ZBTB24: variants seen among roughly 807,000 people sequenced by gnomAD.
ZBTB24 encodes zinc finger and BTB domain containing 24.
In ZBTB24, 32 loss-of-function variants were observed where a neutral mutation model predicts 53.8. The ratio of observed to expected loss-of-function variants is 0.60; its 90% CI spans 0.45 to 0.80. The LOEUF (loss-of-function observed/expected upper bound fraction) is 0.80, where lower values mean the gene tolerates loss of function less well. ZBTB24 is among the 30% of genes least tolerant of loss of function. The probability of loss-of-function intolerance (pLI) is 0.00; values close to 1 mark genes in which losing one functional copy is unlikely to be tolerated. For missense variants in ZBTB24, 722 were observed against 837.1 expected, an observed-to-expected ratio of 0.86 and a Z score of 1.70; for synonymous variants, 297 against 306.7, an observed-to-expected ratio of 0.97 and a Z score of 0.33.
At chr6:109,468,932 G>GAAAAAAAAAA (rs61250996) in intron 5 of ZBTB24, among the ~76,000 whole-genome samples, 2 of 120,018 alleles carry the variant, frequency 1.7e-5, no homozygotes, top group Non-Finnish European at 1.8e-5. Flanking sequence ...TGGAAAAAAA[G>GAAAAAAAAAA]AAAAAAAAAA....
Position 109,483,151 on chromosome 6 carries a change from C to G in ZBTB24, c.-82G>C, listed in dbSNP as rs1776474589. 6.6e-6 allele frequency: 1 copy of G among 152,252 alleles called. No individual in the cohort carries two copies. The highest frequency in any genetic ancestry group is 1.5e-5 in the Non-Finnish European group (1 of 68,114). The allele number at this position is 152,252 out of a possible 1,614,324, so 9.4% of individuals were successfully genotyped here. On this transcript the variant is annotated 5_prime_UTR_variant, in exon 1 of 7. Transcript: ENST00000230122. ...GGGCCCGCTGGCCCTCCGCTCCGCC[C>G]CGCCCGCCTCTGGGGCTTCTGCGCC...
intron 2 of ZBTB24, 90 bp downstream of exon 2, chr6:109,480,985 A>G: frequency 6.4e-7 from 1 of 1,564,644 alleles, no homozygotes; most frequent in Non-Finnish European, 8.6e-7. Flanking sequence ...TGCCCATCAC[A>G]CAGAAGTTGC....
intron 2 of ZBTB24, among the ~76,000 whole-genome samples, chr6:109,479,777 G>T (rs541238574): frequency 6.6e-6 from 1 of 152,010 alleles, no homozygotes; most frequent in African/African-American, 2.4e-5. Flanking sequence ...TTAGCTGGGC[G>T]TGGTGGCGTG....
chr6:109,482,121 G>T, intron 1 of ZBTB24, 67 bp from the exon 2 acceptor site: 1 of 1,083,972 alleles, frequency 9.2e-7, no homozygotes, highest in Non-Finnish European at 1.4e-6. Context: ...CAGCCCACAT[G>T]AACTTCCTAT....
chr6:109,471,209 C>T (rs1055729114), intron 5 of ZBTB24, among the ~76,000 whole-genome samples: 1 of 152,222 alleles, frequency 6.6e-6, no homozygotes, highest in Non-Finnish European at 1.5e-5. Context: ...CTGTGGATAG[C>T]ATGGTTTGAC....
chr6:109,481,242 A>G lies in ZBTB24; in HGVS notation c.785T>C (p.Val262Ala), dbSNP rs771020976. The G allele has an allele frequency of 1.2e-6, 2 of 1,614,164 alleles. No homozygotes were observed. The highest frequency in any genetic ancestry group is 2.2e-5 in the South Asian group (2 of 91,078). Residue 262 changes from valine to alanine, a missense_variant, in exon 2 of 7, where the codon GTC becomes GCC. Val to Ala is a moderately conservative substitution (Grantham distance 64). Coordinates refer to ENST00000230122, the MANE Select transcript of ZBTB24 (RefSeq NM_014797.3). ...AACAAGTTTGTAATCTTTAAGTTTG[A>G]CGGATCTCCAAATCCTCCGCTTGCT... is the stretch of plus-strand genomic sequence containing the variant. ...RYSKRRIWRS[V>A]KLKDYKLVGD... is the part of the protein sequence containing the mutation.
At position 109,481,296 on chromosome 6, in the gene ZBTB24, T is replaced by C. The variant is rs1482359192; in HGVS notation, c.731A>G (p.Glu244Gly). The C allele has an allele frequency of 1.9e-6, 3 of 1,614,210 alleles. No homozygotes were observed. In the East Asian group the frequency reaches 6.7e-5, roughly 36 times the overall value. The change falls in exon 2 of 7, where the codon GAG becomes GGG. Residue 244 changes from glutamate to glycine, a missense_variant. Glu to Gly is a moderately conservative substitution (Grantham distance 98, BLOSUM62 -2). Transcript: ENST00000230122. Reference sequence around the variant, plus strand: ...TCGACTCTGGCTTGCCTGGCCATCCTCGGTCTTGGGATCATAGTTCTCATC... The same window carrying C: ...TCGACTCTGGCTTGCCTGGCCATCCCCGGTCTTGGGATCATAGTTCTCATC... ...EKDENYDPKTEDGQASQSRYS... is the reference protein window; with the variant it reads ...EKDENYDPKTGDGQASQSRYS...
In ZBTB24 at chr6:109,463,503, T is replaced by C. The variant is rs1775955284; in HGVS notation, c.*2348A>G. 6.6e-6 allele frequency: 1 copy of C among 152,216 alleles called. No individual in the cohort carries two copies. The highest frequency in any genetic ancestry group is 1.5e-5 in the Non-Finnish European group (1 of 68,038). 9.4% of individuals were successfully genotyped at this position (152,216 alleles called of 1,614,324 possible). A position where few individuals can be genotyped will look rare whatever the true frequency, so the allele number is the denominator to read the frequency against. On this transcript the variant is annotated 3_prime_UTR_variant, in exon 7 of 7. Transcript: ENST00000230122. ...TATCAAGCATTTGCACTGTGTCCCA[T>C]GCAACAAGGAACTGGATTTTAATTT...
At chr6:109,476,654 C>T in intron 3 of ZBTB24, 109 bp downstream of exon 3, 1 of 1,437,070 alleles carries the variant, frequency 7.0e-7, no homozygotes, top group Non-Finnish European at 9.5e-7. Context: ...TTCAATGACA[C>T]CACGTTGGAA....
At chr6:109,476,081 T>C (rs527821220) in intron 4 of ZBTB24, 94 bp downstream of exon 4, 1 of 1,411,428 alleles carries the variant, frequency 7.1e-7, no homozygotes, top group East Asian at 2.3e-5. Context: ...GAACGATATG[T>C]GCTAAGAGCA....
chr6:109,465,650 A>C lies in ZBTB24; in HGVS notation c.*201T>G. 6.4e-7 allele frequency: 1 copy of C among 1,559,874 alleles called. No individual in the cohort carries two copies. Among genetic ancestry groups the C allele is most frequent in the Non-Finnish European group, 8.6e-7 (1 of 1,159,008 alleles). On this transcript the variant is annotated 3_prime_UTR_variant, in exon 7 of 7. Coordinates refer to ENST00000230122, the MANE Select transcript of ZBTB24 (RefSeq NM_014797.3). ...CCATTCAATAATATTGAAATGCTCA[A>C]TACAAATCAGTACCTTAGACAAGAC...
chr6:109,469,861 G>T (rs1332723829), intron 5 of ZBTB24, among the ~76,000 whole-genome samples: 5 of 152,172 alleles, frequency 3.3e-5, no homozygotes, highest in Non-Finnish European at 7.3e-5. Flanking sequence ...AGCAGAAGCT[G>T]GTGTCAGAAA....
At position 109,467,694 on chromosome 6, in the gene ZBTB24, G is replaced by C. The variant is rs1170480622; in HGVS notation, c.1329C>G (p.Phe443Leu). ...GGGTCTGAAGAGAACTCTTTGCTGTGAAAGATTTGCCACAGATTTCACAAG... is the reference window on the plus strand; with the variant it reads ...GGGTCTGAAGAGAACTCTTTGCTGTCAAAGATTTGCCACAGATTTCACAAG... ...PFTCEICGKS[F>L]TAKSSLQTHI... The change falls in exon 6 of 7, where the codon TTC (phenylalanine) becomes TTG (leucine). Residue 443 changes from phenylalanine (F) to leucine (L), a missense_variant. Transcript: ENST00000230122. 6.2e-7 allele frequency: 1 copy of C among 1,613,898 alleles called. No individual in the cohort carries two copies. Among genetic ancestry groups the C allele is most frequent in the Non-Finnish European group, 8.5e-7 (1 of 1,180,010 alleles).
intron 4 of ZBTB24, among the ~76,000 whole-genome samples, chr6:109,475,956 T>C (rs961918177): frequency 6.6e-6 from 1 of 152,254 alleles, no homozygotes; most frequent in African/African-American, 2.4e-5. Context: ...AGGGTTTCTG[T>C]GTGTGGCACC....
intron 5 of ZBTB24, among the ~76,000 whole-genome samples, chr6:109,468,256 C>T (rs1776093007): frequency 6.6e-6 from 1 of 152,116 alleles, no homozygotes; most frequent in Non-Finnish European, 1.5e-5. Context: ...TCCATTTCTG[C>T]TCTTGCTTCC....
intron 1 of ZBTB24, 68 bp downstream of exon 1, chr6:109,483,030 G>A (rs1452757518): frequency 6.6e-6 from 1 of 152,192 alleles, no homozygotes; most frequent in Non-Finnish European, 1.5e-5. Flanking sequence ...ACACGGCGGG[G>A]GAGGGGTCGG....
chr6:109,473,045 T>C (rs558293951), intron 5 of ZBTB24, among the ~76,000 whole-genome samples: 1 of 152,272 alleles, frequency 6.6e-6, no homozygotes, highest in African/African-American at 2.4e-5. Flanking sequence ...AGTCATGCCA[T>C]GTCACTCATC....
intron 2 of ZBTB24, 55 bp downstream of exon 2, chr6:109,481,017 TATC>T (rs1562304583): frequency 1.3e-6 from 2 of 1,595,010 alleles, no homozygotes; most frequent in South Asian, 1.1e-5. Flanking sequence ...AAGCTATTAT[TATC>T]ATCACTACTC....
At chr6:109,473,573 C>T (rs771556425) in intron 5 of ZBTB24, among the ~76,000 whole-genome samples, 18 of 152,154 alleles carry the variant, frequency 1.2e-4, no homozygotes, top group Non-Finnish European at 2.4e-4. Context: ...TATTCTTCAA[C>T]GCACTCACAA....
Sources: gnomAD v4.1 joint callset for allele counts (sites outside exome capture counted in the v4.1 genomes callset) on GRCh38, gnomAD v4.1.1 for gene constraint, MANE v1.5 for transcripts, NCBI Gene and HGNC (gene_info 2026-07-23, HGNC 2026-07-21) for gene names.